Variants in PTPRD observed in about 807,000 individuals in gnomAD.
PTPRD encodes protein tyrosine phosphatase receptor type D, also known as receptor-type tyrosine-protein phosphatase delta.
A neutral mutation model predicts 214.5 loss-of-function variants in PTPRD; 34 were observed. The observed-to-expected ratio is 0.16, with a 90% CI of 0.12 to 0.21. The LOEUF (loss-of-function observed/expected upper bound fraction) is 0.21, where lower values mean the gene tolerates loss of function less well. PTPRD is among the 10% of genes least tolerant of loss of function. PTPRD has a pLI of 1.00. For missense variants in PTPRD, 2,545 were observed against 2,398.7 expected (o/e 1.06, Z -1.27); for synonymous variants, 1,128 against 845.7 (o/e 1.33, Z -5.79).
At chr9:10,271,598 G>A (rs527791539) in intron 3 of PTPRD, among the ~76,000 whole-genome samples, 68 of 148,852 alleles carry the variant, frequency 4.6e-4, no homozygotes, top group East Asian at 7.9e-4. Flanking sequence ...ACCAGAGTGC[G>A]GTGGAATAAT....
chr9:10,473,868 A>C (rs1003193054), intron 2 of PTPRD, among the ~76,000 whole-genome samples: 1 of 152,038 alleles, frequency 6.6e-6, no homozygotes, highest in Non-Finnish European at 1.5e-5. Flanking sequence ...AGCTCCTCTT[A>C]ATGTTGATGA....
chr9:8,946,412 C>G (rs574423839), intron 11 of PTPRD, among the ~76,000 whole-genome samples: 2 of 152,116 alleles, frequency 1.3e-5, no homozygotes, highest in Admixed American at 6.6e-5. Flanking sequence ...TGGAAAGTTA[C>G]TTTACCTCTA....
intron 11 of PTPRD, among the ~76,000 whole-genome samples, chr9:8,977,698 T>A (rs1350835162): frequency 4.0e-5 from 6 of 150,506 alleles, no homozygotes. Flanking sequence ...TCCTCAGTTG[T>A]CCCTTTGTTT....
intron 8 of PTPRD, among the ~76,000 whole-genome samples, chr9:9,456,461 T>C (rs1301316706): frequency 1.3e-5 from 2 of 151,858 alleles, no homozygotes; most frequent in African/African-American, 4.8e-5. Flanking sequence ...TCTTATTTTC[T>C]CCGCTTTTAT....
Position 8,316,537 on chromosome 9 carries a change from C to T in PTPRD, c.*1337G>A, listed in dbSNP as rs921724335. 8 of 230,366 alleles carry T rather than the reference C, an allele frequency of 3.5e-5. No homozygotes were observed. Among genetic ancestry groups the T allele is most frequent in the East Asian group, 1.8e-4 (3 of 16,264 alleles). 14.3% of individuals were successfully genotyped at this position (230,366 alleles called of 1,614,324 possible). A position where few individuals can be genotyped will look rare whatever the true frequency, so the allele number is the denominator to read the frequency against. On this transcript the variant is annotated 3_prime_UTR_variant, in exon 46 of 46. Coordinates refer to ENST00000381196, the MANE Select transcript of PTPRD (RefSeq NM_002839.4). Reference sequence around the variant, plus strand: ...TTGAATACACTTTTTTTAAACAACTCGATAGCTGATATATTACAACATTCT... The same window carrying T: ...TTGAATACACTTTTTTTAAACAACTTGATAGCTGATATATTACAACATTCT...
Position 8,341,683 on chromosome 9 carries a change from A to G in PTPRD, c.4947+10T>C. On this transcript the variant is annotated intron_variant, in intron 40 of 45. Coordinates refer to ENST00000381196, the MANE Select transcript of PTPRD (RefSeq NM_002839.4). ...GCTCCTGAATAACCACATCACATCCAATACCATACCTTAAATTCGAGCTCC... is the reference window on the plus strand; with the variant it reads ...GCTCCTGAATAACCACATCACATCCGATACCATACCTTAAATTCGAGCTCC... 1.2e-6 allele frequency: 2 copies of G among 1,612,724 alleles called. No individual in the cohort carries two copies. Among genetic ancestry groups the G allele is most frequent in the Admixed American group, 1.7e-5 (1 of 59,922 alleles).
At chr9:9,167,098 T>C (rs977445082) in intron 10 of PTPRD, among the ~76,000 whole-genome samples, 1 of 152,082 alleles carries the variant, frequency 6.6e-6, no homozygotes, top group South Asian at 2.1e-4. Context: ...TGTTGACAAA[T>C]AGTGGACCTG....
At chr9:8,670,351 C>A (rs184457222) in intron 12 of PTPRD, among the ~76,000 whole-genome samples, 13 of 152,184 alleles carry the variant, frequency 8.5e-5, no homozygotes, top group Admixed American at 5.2e-4. Flanking sequence ...CATTCTGTAT[C>A]TCTGTGTATT....
intron 3 of PTPRD, among the ~76,000 whole-genome samples, chr9:10,131,925 C>A (rs7037950): frequency 0.15 from 22,959 of 152,026 alleles, 1,818 homozygotes; most frequent in South Asian, 0.27. Flanking sequence ...AACAATATAG[C>A]ACCTTTAATA....
intron 7 of PTPRD, among the ~76,000 whole-genome samples, chr9:9,669,498 T>C (rs560211718): frequency 2.0e-5 from 3 of 152,324 alleles, no homozygotes; most frequent in South Asian, 4.1e-4. Flanking sequence ...AGACCATTTT[T>C]AAAGTACCAC....
intron 3 of PTPRD, among the ~76,000 whole-genome samples, chr9:10,246,231 CG>C (rs1380659483): frequency 6.6e-6 from 1 of 151,914 alleles, no homozygotes; most frequent in African/African-American, 2.4e-5. Flanking sequence ...AGTACCAACT[CG>C]ATTGGCTATT....
chr9:9,049,058 A>G (rs1285056604), intron 10 of PTPRD, among the ~76,000 whole-genome samples: 1 of 152,230 alleles, frequency 6.6e-6, no homozygotes, highest in Non-Finnish European at 1.5e-5. Context: ...ATCCCTTGCT[A>G]TATACCAAGC....
intron 3 of PTPRD, among the ~76,000 whole-genome samples, chr9:10,045,894 T>C (rs899852357): frequency 3.3e-5 from 5 of 151,904 alleles, no homozygotes; most frequent in African/African-American, 1.2e-4. Context: ...AATTGTATGA[T>C]ACCTCATGAT....
intron 11 of PTPRD, among the ~76,000 whole-genome samples, chr9:8,830,241 A>C (rs540341426): frequency 1.2e-4 from 19 of 152,116 alleles, no homozygotes; most frequent in Non-Finnish European, 2.4e-4. Flanking sequence ...TAACTCAAGC[A>C]CTTGGGTTCC....
chr9:8,858,700 C>T (rs1269825610), intron 11 of PTPRD, among the ~76,000 whole-genome samples: 1 of 131,192 alleles, frequency 7.6e-6, no homozygotes, highest in Non-Finnish European at 1.7e-5. Flanking sequence ...CCCGCTGCGC[C>T]CGCTGGCGAA....
rs140393671 is a variant in PTPRD, at chr9:8,635,853, A to G, written c.210+846T>C. Among the ~76,000 whole-genome samples, 183 of 152,158 alleles carry G rather than the reference A, an allele frequency of 1.2e-3. 2 individuals are homozygous for G. Among genetic ancestry groups the G allele is most frequent in the African/African-American group, 4.3e-3 (177 of 41,510 alleles). ...GTGCCCATAATCTGTGTAGCTTTCT[A>G]TATATCTTATTGCCTATATTTCTCC... is the stretch of plus-strand genomic sequence containing the variant. On this transcript the variant is annotated intron_variant, in intron 13 of 45. Transcript: ENST00000381196.
At chr9:8,834,101 T>A (rs769298618) in intron 11 of PTPRD, among the ~76,000 whole-genome samples, 1 of 152,088 alleles carries the variant, frequency 6.6e-6, no homozygotes, top group Non-Finnish European at 1.5e-5. Flanking sequence ...AGAAATATAA[T>A]GAATTTCTTC....
chr9:9,242,920 T>G (rs149018916), intron 9 of PTPRD, among the ~76,000 whole-genome samples: 6 of 144,358 alleles, frequency 4.2e-5, no homozygotes, highest in African/African-American at 1.0e-4. Flanking sequence ...GTTGCTCTTA[T>G]TTTTAGAACT....
At chr9:10,208,377 G>T (rs370139) in intron 3 of PTPRD, among the ~76,000 whole-genome samples, 1 of 149,644 alleles carries the variant, frequency 6.7e-6, no homozygotes, top group Non-Finnish European at 1.5e-5. Flanking sequence ...AGCCGGGCGT[G>T]GTGGCGGGCG....
Sources: allele counts gnomAD v4.1 joint callset (sites outside exome capture counted in the v4.1 genomes callset), GRCh38; gene constraint gnomAD v4.1.1; transcripts MANE v1.5; gene names NCBI Gene and HGNC (gene_info 2026-07-23, HGNC 2026-07-21).